FER: variants seen among roughly 807,000 people sequenced by gnomAD.
FER encodes FER tyrosine kinase.
A neutral mutation model predicts 111.0 loss-of-function variants in FER; 63 were observed. The observed-to-expected ratio is 0.57, with a 90% CI of 0.46 to 0.70. The LOEUF (loss-of-function observed/expected upper bound fraction) is 0.70. Ranked by LOEUF, FER falls within the 30% of genes least tolerant of loss-of-function variation. The pLI is 0.00. For missense variants in FER, 914 were observed against 954.0 expected (o/e 0.96, Z 0.55); for synonymous variants, 327 against 313.9 (o/e 1.04, Z -0.44).
intron 13 of FER, among the ~76,000 whole-genome samples, chr5:109,031,159 G>A (rs1223970484): frequency 6.6e-6 from 1 of 152,084 alleles, no homozygotes; most frequent in African/African-American, 2.4e-5. Flanking sequence ...TCCAGGGGAG[G>A]AATAGGCCTA....
intron 10 of FER, among the ~76,000 whole-genome samples, chr5:108,926,306 A>T (rs1040401988): frequency 2.6e-5 from 4 of 151,820 alleles, no homozygotes; most frequent in Non-Finnish European, 4.4e-5. Context: ...TATTTTTGAA[A>T]TAGTTCTTAA....
chr5:109,125,024 C>T (rs7701296), intron 17 of FER, among the ~76,000 whole-genome samples: 54,486 of 139,330 alleles, frequency 0.39, 10,528 homozygotes, highest in Middle Eastern at 0.42. Context: ...CCAGCCTGGG[C>T]GACAGAGTGA....
At chr5:109,006,893 A>C (rs569079003) in intron 13 of FER, among the ~76,000 whole-genome samples, 1 of 152,316 alleles carries the variant, frequency 6.6e-6, no homozygotes, top group South Asian at 2.1e-4. Flanking sequence ...TATTGATACT[A>C]AGAGCACAAT....
At chr5:108,960,802 A>C (rs1034396698) in intron 13 of FER, among the ~76,000 whole-genome samples, 6 of 152,222 alleles carry the variant, frequency 3.9e-5, no homozygotes, top group African/African-American at 1.4e-4. Flanking sequence ...CTTTTTAAAC[A>C]AGTGATGCCA....
At chr5:109,002,892 A>C (rs1764989914) in intron 13 of FER, among the ~76,000 whole-genome samples, 1 of 152,272 alleles carries the variant, frequency 6.6e-6, no homozygotes, top group Non-Finnish European at 1.5e-5. Context: ...CATCAGAGAA[A>C]TGCAAATCAA....
intron 10 of FER, among the ~76,000 whole-genome samples, chr5:108,918,736 C>T (rs1232687180): frequency 6.6e-6 from 1 of 152,106 alleles, no homozygotes; most frequent in African/African-American, 2.4e-5. Context: ...ATCCGCCCGC[C>T]TCAGCCTCCC....
chr5:108,879,697 A>ATAT (rs1554084588), intron 8 of FER, among the ~76,000 whole-genome samples: 3 of 96,040 alleles, frequency 3.1e-5, no homozygotes, highest in African/African-American at 1.8e-4. Flanking sequence ...TTAGATTAAA[A>ATAT]AAAAATATAT....
At chr5:109,073,131 CAT>C (rs1775954530) in intron 16 of FER, among the ~76,000 whole-genome samples, 1 of 152,094 alleles carries the variant, frequency 6.6e-6, no homozygotes, top group Non-Finnish European at 1.5e-5. Context: ...CCCAGGTAGA[CAT>C]AAATTTTGGG....
At chr5:108,767,305 A>G (rs180801739) in intron 1 of FER, among the ~76,000 whole-genome samples, 1 of 152,278 alleles carries the variant, frequency 6.6e-6, no homozygotes, top group Non-Finnish European at 1.5e-5. Context: ...TCCATCTCAA[A>G]CAAACAAACA....
intron 16 of FER, among the ~76,000 whole-genome samples, chr5:109,096,717 C>A (rs1200200482): frequency 7.2e-5 from 11 of 151,800 alleles, no homozygotes; most frequent in Non-Finnish European, 1.6e-4. Context: ...GAAGAGATTT[C>A]ATTGATTGGG....
At chr5:108,821,169 C>CCTTTCT in intron 3 of FER, among the ~76,000 whole-genome samples, 1 of 152,086 alleles carries the variant, frequency 6.6e-6, no homozygotes, top group African/African-American at 2.4e-5. Context: ...AAGGCTTTAA[C>CCTTTCT]CAAGAGAAAG....
intron 11 of FER, among the ~76,000 whole-genome samples, chr5:108,954,293 C>T (rs1758141911): frequency 1.3e-5 from 2 of 152,102 alleles, no homozygotes. Context: ...ATGTATGACA[C>T]TGCTCAGAAC....
At chr5:108,894,028 T>TC (rs1372687708) in intron 9 of FER, among the ~76,000 whole-genome samples, 2 of 151,296 alleles carry the variant, frequency 1.3e-5, no homozygotes, top group African/African-American at 4.9e-5. Flanking sequence ...GACAGATTCC[T>TC]TCCATCTCCA....
In FER at chr5:108,922,722, G is replaced by A. The variant is rs559218394; in HGVS notation, c.1237-23408G>A. On this transcript the variant is annotated intron_variant, in intron 10 of 19. Coordinates refer to ENST00000281092, the MANE Select transcript of FER (RefSeq NM_005246.4). ...TATTCTGGTATAAAATTCAAATTATGGTTACAGTTAGGGAAAAATGAGTGC... is the reference window on the plus strand; with the variant it reads ...TATTCTGGTATAAAATTCAAATTATAGTTACAGTTAGGGAAAAATGAGTGC... Among the ~76,000 whole-genome samples the A allele has an allele frequency of 2.4e-4, 37 of 152,128 alleles. 2 individuals are homozygous for A. The South Asian group carries it at 7.7e-3, about 32-fold the overall frequency.
chr5:109,112,531 G>A (rs1473656028), intron 17 of FER, among the ~76,000 whole-genome samples: 1 of 152,128 alleles, frequency 6.6e-6, no homozygotes, highest in African/African-American at 2.4e-5. Flanking sequence ...AGCAGGCTCT[G>A]AGAGAGATCA....
At chr5:109,089,304 T>C (rs78043602) in intron 16 of FER, among the ~76,000 whole-genome samples, 5,237 of 152,250 alleles carry the variant, frequency 0.034, 146 homozygotes, top group South Asian at 0.085. Flanking sequence ...AAAAGTGAAA[T>C]ACCACTAAGA....
At chr5:108,949,536 G>T (rs1284117685) in intron 11 of FER, among the ~76,000 whole-genome samples, 2 of 152,032 alleles carry the variant, frequency 1.3e-5, no homozygotes, top group East Asian at 3.8e-4. Flanking sequence ...AGGACTTATT[G>T]AGATTGATAT....
At chr5:109,072,385 G>A (rs1055897835) in intron 16 of FER, among the ~76,000 whole-genome samples, 2 of 149,272 alleles carry the variant, frequency 1.3e-5, no homozygotes, top group African/African-American at 2.4e-5. Context: ...ACTTTTAATG[G>A]CAACAACCGC....
Position 108,897,860 on chromosome 5 carries a change from A to C in FER, c.1236+12A>C, listed in dbSNP as rs1749380881. The C allele has an allele frequency of 3.2e-6, 5 of 1,583,704 alleles. No homozygotes were observed. In the East Asian group the frequency reaches 6.8e-5, roughly 22 times the overall value. ...CAGTTACATCTATGGTAAGCTAAAG[A>C]ATAATCCAATGAGAAACTTGGAAGA... On this transcript the variant is annotated intron_variant, in intron 10 of 19. Transcript: ENST00000281092.
Sources: allele counts gnomAD v4.1 joint callset (sites outside exome capture counted in the v4.1 genomes callset), GRCh38; gene constraint gnomAD v4.1.1; transcripts MANE v1.5; gene names NCBI Gene and HGNC (gene_info 2026-07-23, HGNC 2026-07-21).